PCDH9: variants seen among roughly 807,000 people sequenced by gnomAD.
PCDH9 encodes protocadherin 9.
A neutral mutation model predicts 70.6 loss-of-function variants in PCDH9; 24 were observed. The observed-to-expected ratio is 0.34, with a 90% CI of 0.25 to 0.48. The LOEUF (loss-of-function observed/expected upper bound fraction) is 0.48. PCDH9 is among the 20% of genes least tolerant of loss of function. PCDH9 has a pLI of 0.99. For synonymous variants in PCDH9, 562 were observed against 558.5 expected, an observed-to-expected ratio of 1.01 and a Z score of -0.09; for missense variants, 1,281 against 1,503.6, an observed-to-expected ratio of 0.85 and a Z score of 2.45.
chr13:66,984,288 C>A (rs1292680666), intron 2 of PCDH9, among the ~76,000 whole-genome samples: 1 of 152,106 alleles, frequency 6.6e-6, no homozygotes, highest in Admixed American at 6.6e-5. Context: ...ACAAGGGTTT[C>A]CTTAACAATT....
chr13:66,489,041 A>C (rs1195828974), intron 4 of PCDH9, among the ~76,000 whole-genome samples: 1 of 150,792 alleles, frequency 6.6e-6, no homozygotes, highest in Admixed American at 6.6e-5. Context: ...ATTCTTTGCT[A>C]TTTGCTAAGT....
chr13:66,478,764 A>G (rs1958780316), intron 4 of PCDH9, among the ~76,000 whole-genome samples: 1 of 152,244 alleles, frequency 6.6e-6, no homozygotes, highest in Non-Finnish European at 1.5e-5. Context: ...ATGAGATTTA[A>G]GGAAAGATGT....
chr13:66,430,295 T>A lies in PCDH9; in HGVS notation c.3341-125267A>T, dbSNP rs1202516109. On this transcript the variant is annotated intron_variant, in intron 4 of 4. Transcript: ENST00000377865. ...AACACATTGAATTTTAACCTAACTC[T>A]TTCATTTGATATATCAAGGGCACAT... Among the ~76,000 whole-genome samples the A allele has an allele frequency of 2.6e-5, 4 of 152,064 alleles. No homozygotes were observed. The East Asian group carries it at 7.7e-4, about 29-fold the overall frequency.
intron 2 of PCDH9, among the ~76,000 whole-genome samples, chr13:66,913,588 A>G (rs1303407161): frequency 6.6e-6 from 1 of 151,984 alleles, no homozygotes; most frequent in Non-Finnish European, 1.5e-5. Context: ...CGTACTGTGT[A>G]AGTTTAGACC....
chr13:66,420,071 G>A (rs1420822763), intron 4 of PCDH9, among the ~76,000 whole-genome samples: 1 of 152,134 alleles, frequency 6.6e-6, no homozygotes, highest in Non-Finnish European at 1.5e-5. Context: ...TTTGGACTGT[G>A]CAGAGCCCAC....
chr13:66,954,954 A>T (rs1367713911), intron 2 of PCDH9, among the ~76,000 whole-genome samples: 1 of 152,094 alleles, frequency 6.6e-6, no homozygotes, highest in African/African-American at 2.4e-5. Context: ...TAGTAGAGAC[A>T]GGGTTTCACT....
chr13:66,424,963 A>G (rs191675874), intron 4 of PCDH9, among the ~76,000 whole-genome samples: 59 of 152,000 alleles, frequency 3.9e-4, no homozygotes, highest in Non-Finnish European at 1.3e-4. Flanking sequence ...AACTAAAAAC[A>G]ACACATCCAA....
intron 2 of PCDH9, chr13:67,217,337 T>C (rs1353580403): frequency 6.6e-6 from 1 of 152,154 alleles, no homozygotes; most frequent in Non-Finnish European, 1.5e-5. Context: ...TGTTTTCTTT[T>C]CTAAATCAAT....
intron 3 of PCDH9, among the ~76,000 whole-genome samples, chr13:66,884,909 T>C (rs1016254656): frequency 2.0e-5 from 3 of 152,212 alleles, no homozygotes; most frequent in African/African-American, 7.2e-5. Context: ...TATTCTTATA[T>C]TCTATTACTG....
intron 4 of PCDH9, among the ~76,000 whole-genome samples, chr13:66,325,427 G>A (rs1010295090): frequency 1.3e-5 from 2 of 152,022 alleles, no homozygotes; most frequent in African/African-American, 4.8e-5. Flanking sequence ...GAGATGGGGG[G>A]AGAAAAGTTT....
At chr13:66,353,211 A>G (rs1956321616) in intron 4 of PCDH9, among the ~76,000 whole-genome samples, 2 of 152,200 alleles carry the variant, frequency 1.3e-5, no homozygotes, top group African/African-American at 4.8e-5. Flanking sequence ...ACTGGTAGAA[A>G]GCAAGTGGTC....
intron 2 of PCDH9, among the ~76,000 whole-genome samples, chr13:66,912,042 C>T (rs577949141): frequency 6.6e-6 from 1 of 152,066 alleles, no homozygotes; most frequent in South Asian, 2.1e-4. Flanking sequence ...TGTATTTGTA[C>T]CTTGAAGAAA....
intron 2 of PCDH9, among the ~76,000 whole-genome samples, chr13:67,053,307 T>C (rs2085357043): frequency 6.6e-6 from 1 of 152,144 alleles, no homozygotes; most frequent in Admixed American, 6.5e-5. Context: ...CTCCAGGAAC[T>C]GCAGAATGGA....
At chr13:66,519,958 G>A (rs1339188711) in intron 4 of PCDH9, among the ~76,000 whole-genome samples, 6 of 152,034 alleles carry the variant, frequency 3.9e-5, no homozygotes, top group East Asian at 3.9e-4. Context: ...TTTGACTGAC[G>A]TGTATTTTCT....
chr13:66,648,494 G>A (rs951787468), intron 3 of PCDH9, among the ~76,000 whole-genome samples: 2 of 152,234 alleles, frequency 1.3e-5, no homozygotes, highest in African/African-American at 4.8e-5. Flanking sequence ...GAGCCACAGT[G>A]TTACTGACCT....
At chr13:66,986,362 A>G (rs1050641088) in intron 2 of PCDH9, among the ~76,000 whole-genome samples, 7 of 152,020 alleles carry the variant, frequency 4.6e-5, no homozygotes, top group Admixed American at 1.3e-4. Context: ...ACCATATCAT[A>G]AAGTCTCTTC....
chr13:67,085,604 T>C (rs957946859), intron 2 of PCDH9, among the ~76,000 whole-genome samples: 1 of 152,194 alleles, frequency 6.6e-6, no homozygotes, highest in African/African-American at 2.4e-5. Flanking sequence ...GCACCCCTGA[T>C]CTAAAGGGCA....
chr13:66,730,892 TTTC>T (rs1566154204), intron 3 of PCDH9, among the ~76,000 whole-genome samples: 3 of 23,944 alleles, frequency 1.3e-4, no homozygotes, highest in South Asian at 3.9e-3. Context: ...TTTTTGTTTG[TTTC>T]TTTTTTTTTG....
At chr13:66,953,082 A>T (rs2083210178) in intron 2 of PCDH9, among the ~76,000 whole-genome samples, 4 of 152,298 alleles carry the variant, frequency 2.6e-5, no homozygotes, top group Middle Eastern at 6.8e-3. Context: ...CTATAGTCAA[A>T]AAAAAACAAG....
Sources: allele counts gnomAD v4.1 joint callset (sites outside exome capture counted in the v4.1 genomes callset), GRCh38; gene constraint gnomAD v4.1.1; transcripts MANE v1.5; gene names NCBI Gene and HGNC (gene_info 2026-07-23, HGNC 2026-07-21).